FGGY: variants seen among roughly 807,000 people sequenced by gnomAD.
FGGY encodes FGGY carbohydrate kinase domain-containing protein.
In FGGY, 72 loss-of-function variants were observed where a neutral mutation model predicts 71.3. The ratio of observed to expected loss-of-function variants is 1.01; its 90% CI spans 0.84 to 1.23. The LOEUF (loss-of-function observed/expected upper bound fraction) is 1.23. Among genes scored for constraint, FGGY ranks in the 50% most tolerant of loss-of-function variants. The pLI is 0.00. For synonymous variants in FGGY, 251 were observed against 250.3 expected (o/e 1.00, Z -0.02); for missense variants, 668 against 682.3 (o/e 0.98, Z 0.23).
At chr1:59,571,050 C>G (rs1408241723) in intron 8 of FGGY, among the ~76,000 whole-genome samples, 1 of 152,200 alleles carries the variant, frequency 6.6e-6, no homozygotes, top group Non-Finnish European at 1.5e-5. Context: ...AGCCGTCTTT[C>G]ATATACCCCA....
At chr1:59,455,292 A>G (rs1393551053) in intron 5 of FGGY, among the ~76,000 whole-genome samples, 3 of 152,206 alleles carry the variant, frequency 2.0e-5, no homozygotes. Context: ...TTCCTGAAAA[A>G]GGACAATCTG....
At chr1:59,341,171 TAACTC>T (rs1273148357) in intron 3 of FGGY, among the ~76,000 whole-genome samples, 3 of 152,210 alleles carry the variant, frequency 2.0e-5, no homozygotes, top group East Asian at 1.9e-4. Context: ...GCAAGCCACT[TAACTC>T]TGTGTTTCTC....
intron 6 of FGGY, among the ~76,000 whole-genome samples, chr1:59,479,844 G>A (rs1029908954): frequency 1.3e-5 from 2 of 152,162 alleles, no homozygotes; most frequent in African/African-American, 4.8e-5. Context: ...GCAGCACTCA[G>A]CATCTGGTTG....
At chr1:59,509,567 C>T (rs1558166726) in intron 6 of FGGY, among the ~76,000 whole-genome samples, 1 of 152,170 alleles carries the variant, frequency 6.6e-6, no homozygotes, top group Non-Finnish European at 1.5e-5. Flanking sequence ...CCTACCAGTT[C>T]ACACCCCAGC....
At chr1:59,523,773 G>A (rs900030492) in intron 7 of FGGY, among the ~76,000 whole-genome samples, 5 of 152,190 alleles carry the variant, frequency 3.3e-5, no homozygotes, top group African/African-American at 1.2e-4. Flanking sequence ...AAATGCTTGA[G>A]GTAAACACAG....
chr1:59,388,988 C>A (rs939542568), intron 5 of FGGY, among the ~76,000 whole-genome samples: 1 of 152,068 alleles, frequency 6.6e-6, no homozygotes, highest in African/African-American at 2.4e-5. Context: ...TGCTCTGTCG[C>A]CCAGGCCGGA....
intron 4 of FGGY, among the ~76,000 whole-genome samples, chr1:59,369,595 G>A (rs977692724): frequency 6.6e-6 from 1 of 152,180 alleles, no homozygotes; most frequent in African/African-American, 2.4e-5. Flanking sequence ...ATCTGAGAAG[G>A]GGCAGACTGC....
intron 14 of FGGY, chr1:59,755,922 G>C (rs569372705): frequency 6.6e-6 from 1 of 152,252 alleles, no homozygotes; most frequent in Non-Finnish European, 1.5e-5. Context: ...GCACAGCAGA[G>C]CACAACTCAA....
intron 4 of FGGY, among the ~76,000 whole-genome samples, chr1:59,347,420 G>A (rs1390378637): frequency 5.3e-5 from 8 of 152,056 alleles, no homozygotes; most frequent in African/African-American, 1.9e-4. Flanking sequence ...TACAAAGGAC[G>A]TGTGAACTCA....
chr1:59,699,526 T>G, intron 14 of FGGY: 1 of 516,232 alleles, frequency 1.9e-6, no homozygotes, highest in Non-Finnish European at 2.5e-6. Context: ...TTGTGGGTCA[T>G]TGGGGCTGAT....
intron 5 of FGGY, among the ~76,000 whole-genome samples, chr1:59,380,158 G>GT (rs913961688): frequency 6.6e-6 from 1 of 150,960 alleles, no homozygotes; most frequent in Non-Finnish European, 1.5e-5. Context: ...GTATTCCATG[G>GT]TGTATATGTG....
intron 4 of FGGY, among the ~76,000 whole-genome samples, chr1:59,353,765 G>A (rs1272460331): frequency 6.6e-6 from 1 of 152,008 alleles, no homozygotes; most frequent in East Asian, 1.9e-4. Flanking sequence ...TAACTTACTC[G>A]TGGTCTCATA....
Position 59,512,240 on chromosome 1 carries a change from TAAAA to T in FGGY, c.671-66_671-63del, listed in dbSNP as rs546946432. On this transcript the variant is annotated intron_variant, in intron 6 of 15. Transcript: ENST00000303721. Reference sequence around the variant, plus strand: ...GGAGGAGAGAGCAAAGAGTTTCTCTTAAAAAAAACCCTCTGTTTACTTTTGTGTT... The same window carrying T: ...GGAGGAGAGAGCAAAGAGTTTCTCTTAAAACCCTCTGTTTACTTTTGTGTT... The T allele has an allele frequency of 1.9e-5, 28 of 1,484,820 alleles. No homozygotes were observed. In the Admixed American group the frequency reaches 6.2e-4, roughly 33 times the overall value. 92.0% of individuals were successfully genotyped at this position (1,484,820 alleles called of 1,614,324 possible). A position where few individuals can be genotyped will look rare whatever the true frequency, so the allele number is the denominator to read the frequency against.
intron 7 of FGGY, among the ~76,000 whole-genome samples, chr1:59,517,504 A>T (rs2094697029): frequency 6.6e-6 from 1 of 151,756 alleles, no homozygotes. Flanking sequence ...TGACCTCGTG[A>T]TCCGCCCGCC....
chr1:59,576,346 C>T (rs1459005007), intron 8 of FGGY, among the ~76,000 whole-genome samples: 1 of 151,730 alleles, frequency 6.6e-6, no homozygotes, highest in Non-Finnish European at 1.5e-5. Context: ...AGGAGTTGAA[C>T]AGTGAGAACA....
intron 4 of FGGY, among the ~76,000 whole-genome samples, chr1:59,353,326 C>T (rs1010127054): frequency 2.0e-5 from 3 of 152,150 alleles, no homozygotes. Flanking sequence ...TCAGTAACAT[C>T]CTATCACTAA....
At chr1:59,551,948 C>A (rs1319137113) in intron 7 of FGGY, among the ~76,000 whole-genome samples, 1 of 152,150 alleles carries the variant, frequency 6.6e-6, no homozygotes, top group African/African-American at 2.4e-5. Context: ...ACACAAACCA[C>A]TCTAATTGTT....
At chr1:59,595,011 G>T (rs1001331015) in intron 8 of FGGY, among the ~76,000 whole-genome samples, 1 of 152,184 alleles carries the variant, frequency 6.6e-6, no homozygotes, top group African/African-American at 2.4e-5. Context: ...GGAAGGGCTG[G>T]TTCCACTGAT....
chr1:59,592,120 CA>C (rs1196154205), intron 8 of FGGY, among the ~76,000 whole-genome samples: 1 of 152,142 alleles, frequency 6.6e-6, no homozygotes, highest in African/African-American at 2.4e-5. Flanking sequence ...AAAAAGTGGG[CA>C]AAGGACATGA....
Sources: gnomAD v4.1 joint callset for allele counts (sites outside exome capture counted in the v4.1 genomes callset) on GRCh38, gnomAD v4.1.1 for gene constraint, MANE v1.5 for transcripts, NCBI Gene and HGNC (gene_info 2026-07-23, HGNC 2026-07-21) for gene names.